Variants in SDHAF3 observed in about 807,000 individuals in gnomAD.
SDHAF3 encodes succinate dehydrogenase complex assembly factor 3, also known as succinate dehydrogenase assembly factor 3, mitochondrial.
In SDHAF3, 18 loss-of-function variants were observed where a neutral mutation model predicts 11.5. The observed-to-expected ratio is 1.56, with a 90% confidence interval of 1.08 to 2.32. SDHAF3 has a LOEUF of 2.32. Ranked by LOEUF, SDHAF3 falls within the 30% of genes most tolerant of loss-of-function variation. The pLI is 0.00. For synonymous variants in SDHAF3, 72 were observed against 59.3 expected, an observed-to-expected ratio of 1.21 and a Z score of -0.99; for missense variants, 200 against 154.4, an observed-to-expected ratio of 1.30 and a Z score of -1.57.
At chr7:97,135,609 G>GTGTGTGTC (rs1554351109) in intron 1 of SDHAF3, 1 of 149,050 alleles carries the variant, frequency 6.7e-6, no homozygotes, top group Admixed American at 6.8e-5. Flanking sequence ...GTGTCTGTGT[G>GTGTGTGTC]TGTGTGTGTG....
At position 97,176,671 on chromosome 7, in the gene SDHAF3, C is replaced by T. The variant is rs374066605; in HGVS notation, c.175-4341C>T. On this transcript the variant is annotated intron_variant, in intron 1 of 1. Transcript: ENST00000432641. ...GGCGAAAGGTTGGGTTTTTTTGTTTCCTTTTCGTGAGTCTTTCTACCCAAG... is the reference window on the plus strand; with the variant it reads ...GGCGAAAGGTTGGGTTTTTTTGTTTTCTTTTCGTGAGTCTTTCTACCCAAG... 1.4e-4 allele frequency among the ~76,000 whole-genome samples: 22 copies of T among 152,122 alleles called. No homozygotes were observed. The South Asian group carries it at 4.6e-3, about 32-fold the overall frequency.
At chr7:97,120,481 C>G (rs1213143849) in intron 1 of SDHAF3, among the ~76,000 whole-genome samples, 3 of 151,782 alleles carry the variant, frequency 2.0e-5, no homozygotes, top group Non-Finnish European at 4.4e-5. Flanking sequence ...TTAAGACTTC[C>G]AAGTCTTTTT....
At chr7:97,119,150 A>G (rs1791453389) in intron 1 of SDHAF3, among the ~76,000 whole-genome samples, 1 of 152,220 alleles carries the variant, frequency 6.6e-6, no homozygotes, top group African/African-American at 2.4e-5. Context: ...AAATGTATTT[A>G]CAAGCACTTG....
intron 1 of SDHAF3, among the ~76,000 whole-genome samples, chr7:97,175,586 G>A (rs562723195): frequency 2.6e-5 from 4 of 152,238 alleles, no homozygotes; most frequent in South Asian, 2.1e-4. Context: ...CAGTGTGCTC[G>A]ACCATACCAG....
In SDHAF3 at chr7:97,121,154, G is replaced by A. The variant is rs144643411; in HGVS notation, c.174+3257G>A. Among the ~76,000 whole-genome samples the A allele has an allele frequency of 1.0e-3, 154 of 152,302 alleles. 1 individual carries two copies. Among genetic ancestry groups the A allele is most frequent in the Non-Finnish European group, 1.8e-3 (124 of 68,014 alleles). On this transcript the variant is annotated intron_variant, in intron 1 of 1. Transcript: ENST00000432641. ...CTCTTAGGAGGTAACTATTAGAAGTGAAATTGAGACTCCATAGATCGGGGG... is the reference window on the plus strand; with the variant it reads ...CTCTTAGGAGGTAACTATTAGAAGTAAAATTGAGACTCCATAGATCGGGGG...
chr7:97,178,592 G>T (rs1789725621), intron 1 of SDHAF3, among the ~76,000 whole-genome samples: 1 of 151,988 alleles, frequency 6.6e-6, no homozygotes, highest in Admixed American at 6.6e-5. Context: ...TTGTGGTTTT[G>T]ATTTACATTT....
At chr7:97,142,890 CTTTTT>C (rs35198717) in intron 1 of SDHAF3, 4 of 87,086 alleles carry the variant, frequency 4.6e-5, no homozygotes, top group Admixed American at 2.8e-4. Flanking sequence ...TTCTTAAATT[CTTTTT>C]TTTTTTTTTT....
At chr7:97,136,535 T>G in intron 1 of SDHAF3, 1 of 562,864 alleles carries the variant, frequency 1.8e-6, no homozygotes, top group East Asian at 2.8e-5. Context: ...AAATATTCTT[T>G]ACAGCCTAAA....
chr7:97,133,844 GTGCTTTATTCGAATAGATTTAA>G (rs1336350470), intron 1 of SDHAF3, among the ~76,000 whole-genome samples: 1 of 152,070 alleles, frequency 6.6e-6, no homozygotes, highest in African/African-American at 2.4e-5. Flanking sequence ...TAAAATATTT[GTGCTTTATTCGAATAGATTTAA>G]AAATTATAGT....
At chr7:97,137,149 C>T (rs537031587) in intron 1 of SDHAF3, among the ~76,000 whole-genome samples, 1 of 152,234 alleles carries the variant, frequency 6.6e-6, no homozygotes, top group African/African-American at 2.4e-5. Flanking sequence ...GTCCACATCT[C>T]TCACATCCTC....
At chr7:97,136,373 ATTTGT>A (rs1562822096) in intron 1 of SDHAF3, 1 of 601,642 alleles carries the variant, frequency 1.7e-6, no homozygotes, top group Non-Finnish European at 3.1e-6. Context: ...CATAAATCAA[ATTTGT>A]TTTAAATAGG....
chr7:97,165,066 C>G (rs1402138230), intron 1 of SDHAF3, among the ~76,000 whole-genome samples: 1 of 151,992 alleles, frequency 6.6e-6, no homozygotes, highest in Non-Finnish European at 1.5e-5. Flanking sequence ...GGGCAGATCA[C>G]GAGGTCAGGA....
intron 1 of SDHAF3, among the ~76,000 whole-genome samples, chr7:97,132,518 ATGT>A (rs1791686045): frequency 1.3e-5 from 2 of 152,216 alleles, no homozygotes; most frequent in African/African-American, 4.8e-5. Context: ...TTGTTAAGCA[ATGT>A]GAATAATCTT....
chr7:97,120,341 A>G (rs1791472294), intron 1 of SDHAF3, among the ~76,000 whole-genome samples: 1 of 152,138 alleles, frequency 6.6e-6, no homozygotes, highest in Non-Finnish European at 1.5e-5. Context: ...TAGACGTGGT[A>G]GGTTGGATCC....
At chr7:97,170,161 T>C (rs2115737331) in intron 1 of SDHAF3, among the ~76,000 whole-genome samples, 1 of 152,132 alleles carries the variant, frequency 6.6e-6, no homozygotes, top group South Asian at 2.1e-4. Context: ...ACCACACATA[T>C]TAATGTGTAT....
chr7:97,163,168 C>CTTTTTTTTTTTTTTTTTTTT (rs58956333), intron 1 of SDHAF3, among the ~76,000 whole-genome samples: 3 of 125,014 alleles, frequency 2.4e-5, no homozygotes, highest in Non-Finnish European at 3.2e-5. Context: ...GTTTAAAGTC[C>CTTTTTTTTTTTTTTTTTTTT]TTTTTTTTTT....
At chr7:97,145,507 ATTGGT>A (rs992744564) in intron 1 of SDHAF3, among the ~76,000 whole-genome samples, 1 of 152,138 alleles carries the variant, frequency 6.6e-6, no homozygotes, top group Non-Finnish European at 1.5e-5. Flanking sequence ...TGTTTAAATA[ATTGGT>A]TTGGTAAAAG....
intron 1 of SDHAF3, among the ~76,000 whole-genome samples, chr7:97,164,607 C>T (rs1010505930): frequency 2.7e-5 from 4 of 150,654 alleles, no homozygotes; most frequent in Non-Finnish European, 5.9e-5. Context: ...ACTCCTGACC[C>T]TAGGTGATCC....
Position 97,181,263 on chromosome 7 carries a change from C to T in SDHAF3, c.*48C>T. On this transcript the variant is annotated 3_prime_UTR_variant, in exon 2 of 2. Transcript: ENST00000432641. ...GACATGCAAAAATTTAGAACCCCTA[C>T]TTTAACTGTCATTGGTTTTTGAAAT... The T allele has an allele frequency of 7.4e-7, 1 of 1,360,328 alleles. No individual in the cohort carries two copies. Among genetic ancestry groups the T allele is most frequent in the Non-Finnish European group, 1.0e-6 (1 of 986,392 alleles). The allele number at this position is 1,360,328 out of a possible 1,614,324, so 84.3% of individuals were successfully genotyped here. A position where few individuals can be genotyped will look rare whatever the true frequency, so the allele number is the denominator to read the frequency against.
Sources: allele counts gnomAD v4.1 joint callset (sites outside exome capture counted in the v4.1 genomes callset), GRCh38; gene constraint gnomAD v4.1.1; transcripts MANE v1.5; gene names NCBI Gene and HGNC (gene_info 2026-07-23, HGNC 2026-07-21).